The following LMX1A variants were observed in gnomAD, a reference collection of about 807,000 sequenced individuals.
LMX1A encodes LIM homeobox transcription factor 1-alpha.
In LMX1A, 15 loss-of-function variants were observed where a neutral mutation model predicts 49.1. That is an observed-to-expected ratio of 0.31 (90% confidence interval 0.20 to 0.47). The LOEUF (loss-of-function observed/expected upper bound fraction) is 0.47. Ranked by LOEUF, LMX1A falls within the 20% of genes least tolerant of loss-of-function variation. The pLI is 1.00. For synonymous variants in LMX1A, 167 were observed against 185.7 expected, an observed-to-expected ratio of 0.90 and a Z score of 0.82; for missense variants, 372 against 475.8, an observed-to-expected ratio of 0.78 and a Z score of 2.03.
At chr1:165,351,949 T>C (rs892126514) in intron 3 of LMX1A, among the ~76,000 whole-genome samples, 3 of 152,270 alleles carry the variant, frequency 2.0e-5, no homozygotes, top group African/African-American at 2.4e-5. Context: ...GCTGTCCCTT[T>C]CATTCACCAG....
At chr1:165,315,522 C>T (rs1331052342) in intron 3 of LMX1A, among the ~76,000 whole-genome samples, 1 of 152,202 alleles carries the variant, frequency 6.6e-6, no homozygotes, top group East Asian at 1.9e-4. Context: ...AAATAAATTA[C>T]TTGTAGCTAA....
chr1:165,234,062 A>T (rs1452405602), intron 4 of LMX1A, among the ~76,000 whole-genome samples: 1 of 152,298 alleles, frequency 6.6e-6, no homozygotes, highest in East Asian at 1.9e-4. Flanking sequence ...CCTGTTTACA[A>T]ACTTCTGATC....
intron 3 of LMX1A, among the ~76,000 whole-genome samples, chr1:165,325,943 T>A (rs1655564986): frequency 6.6e-6 from 1 of 152,196 alleles, no homozygotes; most frequent in Non-Finnish European, 1.5e-5. Flanking sequence ...CGGGCCTGCC[T>A]GCCTCCTCTT....
chr1:165,294,173 G>A (rs1018305620), intron 3 of LMX1A, among the ~76,000 whole-genome samples: 1 of 152,166 alleles, frequency 6.6e-6, no homozygotes, highest in East Asian at 1.9e-4. Flanking sequence ...CCACCACACC[G>A]TCTGGTCAGC....
chr1:165,276,344 T>G (rs1400032229), intron 3 of LMX1A, among the ~76,000 whole-genome samples: 1 of 151,748 alleles, frequency 6.6e-6, no homozygotes, highest in Non-Finnish European at 1.5e-5. Context: ...GGATGAAGAG[T>G]TCTTTAAACA....
chr1:165,331,726 G>C (rs571954210), intron 3 of LMX1A, among the ~76,000 whole-genome samples: 1 of 152,122 alleles, frequency 6.6e-6, no homozygotes, highest in East Asian at 1.9e-4. Flanking sequence ...AGACCACCCT[G>C]GGCAACATGG....
intron 3 of LMX1A, among the ~76,000 whole-genome samples, chr1:165,285,675 CT>C (rs1020482482): frequency 1.3e-5 from 2 of 152,206 alleles, no homozygotes; most frequent in African/African-American, 4.8e-5. Context: ...GCCTGATGGA[CT>C]AGGGCTTAGG....
chr1:165,345,887 T>G (rs527969039), intron 3 of LMX1A, among the ~76,000 whole-genome samples: 1 of 152,182 alleles, frequency 6.6e-6, no homozygotes, highest in East Asian at 1.9e-4. Context: ...AACTGCTAAT[T>G]AGAAAATCAA....
intron 3 of LMX1A, among the ~76,000 whole-genome samples, chr1:165,286,322 G>A (rs1000449096): frequency 6.6e-6 from 1 of 152,176 alleles, no homozygotes; most frequent in African/African-American, 2.4e-5. Flanking sequence ...TGCAGGAAGT[G>A]CCCTGATAGA....
chr1:165,355,677 C>A lies in LMX1A; in HGVS notation c.-22-96G>T. On this transcript the variant is annotated intron_variant, in intron 1 of 8. Coordinates refer to ENST00000342310, the MANE Select transcript of LMX1A (RefSeq NM_177398.4). The surrounding 1 kb of genome is among the most constrained non-coding windows in gnomAD (Gnocchi z 4.7). Reference sequence around the variant, plus strand: ...TCCTGGGAAAGAACTGAGGGAGTGTCCAGGGCGACCAGAATCAGCCAGGAG... The same window carrying A: ...TCCTGGGAAAGAACTGAGGGAGTGTACAGGGCGACCAGAATCAGCCAGGAG... The A allele has an allele frequency of 1.2e-6, 1 of 857,114 alleles. No homozygotes were observed. 53.1% of individuals were successfully genotyped at this position (857,114 alleles called of 1,614,324 possible). A position where few individuals can be genotyped will look rare whatever the true frequency, so the allele number is the denominator to read the frequency against.
intron 3 of LMX1A, among the ~76,000 whole-genome samples, chr1:165,320,276 G>A (rs1490115813): frequency 6.6e-6 from 1 of 152,196 alleles, no homozygotes; most frequent in Non-Finnish European, 1.5e-5. Context: ...TGAATACAGT[G>A]AGGATGGCTA....
chr1:165,253,481 A>G (rs1653127386), intron 3 of LMX1A, among the ~76,000 whole-genome samples: 1 of 152,102 alleles, frequency 6.6e-6, no homozygotes, highest in African/African-American at 2.4e-5. Context: ...CATTACTCAC[A>G]GGTTGACACA....
intron 6 of LMX1A, among the ~76,000 whole-genome samples, chr1:165,209,614 T>C (rs1278689792): frequency 6.6e-6 from 1 of 152,200 alleles, no homozygotes; most frequent in Non-Finnish European, 1.5e-5. Context: ...GCTGAATACA[T>C]GGAATTTCCT....
At chr1:165,311,338 C>G (rs1049688824) in intron 3 of LMX1A, among the ~76,000 whole-genome samples, 6 of 152,254 alleles carry the variant, frequency 3.9e-5, no homozygotes, top group African/African-American at 2.4e-5. Context: ...GGACCACATT[C>G]CCAGCTTTAT....
chr1:165,312,110 C>T (rs192333260), intron 3 of LMX1A, among the ~76,000 whole-genome samples: 37 of 152,274 alleles, frequency 2.4e-4, no homozygotes, highest in Admixed American at 2.1e-3. Context: ...TTTCAAATGC[C>T]TGGACTCTAT....
At chr1:165,255,198 C>A (rs1653193687) in intron 3 of LMX1A, among the ~76,000 whole-genome samples, 1 of 152,212 alleles carries the variant, frequency 6.6e-6, no homozygotes, top group African/African-American at 2.4e-5. Flanking sequence ...CTGGGAATAG[C>A]ACAAAGAAGA....
At chr1:165,300,441 C>T (rs1654747183) in intron 3 of LMX1A, among the ~76,000 whole-genome samples, 1 of 152,184 alleles carries the variant, frequency 6.6e-6, no homozygotes, top group Admixed American at 6.5e-5. Flanking sequence ...CTTGAGCTGA[C>T]CCAAGTTAAG....
chr1:165,276,626 C>CT (rs1196121677), intron 3 of LMX1A, among the ~76,000 whole-genome samples: 1 of 150,654 alleles, frequency 6.6e-6, no homozygotes, highest in African/African-American at 2.5e-5. Flanking sequence ...TTAGACAGTG[C>CT]TATACTACAT....
At chr1:165,290,764 G>C (rs1654445673) in intron 3 of LMX1A, among the ~76,000 whole-genome samples, 1 of 152,228 alleles carries the variant, frequency 6.6e-6, no homozygotes, top group Non-Finnish European at 1.5e-5. Context: ...GGTTCTCAAA[G>C]TGTAGTCTCC....
Sources: gnomAD v4.1 joint callset for allele counts (sites outside exome capture counted in the v4.1 genomes callset) on GRCh38, gnomAD v4.1.1 for gene constraint, Gnocchi (gnomAD v3.1) non-coding constraint, MANE v1.5 for transcripts, NCBI Gene and HGNC (gene_info 2026-07-23, HGNC 2026-07-21) for gene names.